CDC42BPA: variants seen among roughly 807,000 people sequenced by gnomAD.
CDC42BPA encodes serine/threonine-protein kinase MRCK alpha.
A neutral mutation model predicts 223.5 loss-of-function variants in CDC42BPA; 80 were observed. That is an observed-to-expected ratio of 0.36 (90% CI 0.30 to 0.43). CDC42BPA has a LOEUF of 0.43. Among genes scored for constraint, CDC42BPA ranks in the 20% least tolerant of loss-of-function variants. The pLI is 1.00. For synonymous variants in CDC42BPA, 694 were observed against 718.6 expected (o/e 0.97, Z 0.55); for missense variants, 1,743 against 2,099.9 (o/e 0.83, Z 3.32).
intron 1 of CDC42BPA, among the ~76,000 whole-genome samples, chr1:227,268,249 T>C (rs991778612): frequency 2.0e-5 from 3 of 152,178 alleles, no homozygotes; most frequent in Admixed American, 6.5e-5. Flanking sequence ...TTGTTTTCGT[T>C]TGCTTTCACG....
chr1:227,212,910 T>C (rs1674184310), intron 3 of CDC42BPA, among the ~76,000 whole-genome samples: 1 of 152,140 alleles, frequency 6.6e-6, no homozygotes, highest in Admixed American at 6.6e-5. Flanking sequence ...AAGCCCCCCA[T>C]TACAAGGGTT....
chr1:227,248,317 T>G (rs2148203049), intron 2 of CDC42BPA, among the ~76,000 whole-genome samples: 1 of 152,118 alleles, frequency 6.6e-6, no homozygotes, highest in East Asian at 1.9e-4. Flanking sequence ...CAAATTATCC[T>G]TGTTTGAAGA....
At position 227,005,079 on chromosome 1, in the gene CDC42BPA, G is replaced by A. The variant is rs368905292; in HGVS notation, c.4890C>T (p.Phe1630=). The A allele has an allele frequency of 4.3e-6, 7 of 1,613,956 alleles. No individual in the cohort carries two copies. Among genetic ancestry groups the A allele is most frequent in the East Asian group, 2.2e-5 (1 of 44,894 alleles). ...NPRPQESRTV[F]SGSVSIPSIT... is the part of the protein sequence containing the mutation. Reference sequence around the variant, plus strand: ...TAGATGGAATACTGACTGAGCCACTGAATACTGTCCGACTTTCCTGAGGCC... The same window carrying A: ...TAGATGGAATACTGACTGAGCCACTAAATACTGTCCGACTTTCCTGAGGCC... Residue 1630 remains phenylalanine (F), a synonymous_variant, in exon 35 of 37, where the codon TTC becomes TTT. Transcript: ENST00000366766.
intron 2 of CDC42BPA, among the ~76,000 whole-genome samples, chr1:227,243,373 T>TTA (rs2148136217): frequency 6.6e-6 from 1 of 150,782 alleles, no homozygotes; most frequent in Admixed American, 6.6e-5. Flanking sequence ...AAAAAATTAA[T>TTA]AAGTGGCACA....
At chr1:227,052,778 T>C (rs1673799110) in intron 21 of CDC42BPA, among the ~76,000 whole-genome samples, 1 of 152,200 alleles carries the variant, frequency 6.6e-6, no homozygotes, top group Admixed American at 6.5e-5. Flanking sequence ...AGTTTAAGAA[T>C]TTAAACATGA....
chr1:227,306,223 T>G (rs937259931), intron 1 of CDC42BPA, among the ~76,000 whole-genome samples: 2 of 148,414 alleles, frequency 1.3e-5, no homozygotes, highest in Admixed American at 1.4e-4. Context: ...GTACATGTAA[T>G]AAGGAAGTTG....
intron 10 of CDC42BPA, 129 bp downstream of exon 10, chr1:227,139,447 A>G: frequency 1.7e-6 from 1 of 582,460 alleles, no homozygotes; most frequent in Non-Finnish European, 2.9e-6. Flanking sequence ...TTCTGCATAC[A>G]TCTCTACAAC....
intron 21 of CDC42BPA, among the ~76,000 whole-genome samples, chr1:227,057,874 A>G (rs991929594): frequency 1.3e-5 from 2 of 152,198 alleles, no homozygotes. Flanking sequence ...AGGCCCCAGA[A>G]AGTCTGCAAG....
intron 10 of CDC42BPA, among the ~76,000 whole-genome samples, chr1:227,131,199 G>A (rs1173580666): frequency 6.6e-6 from 1 of 152,032 alleles, no homozygotes. Flanking sequence ...ATCCCCTACG[G>A]CAGATACTGC....
chr1:227,251,997 T>C (rs73096358), intron 2 of CDC42BPA, among the ~76,000 whole-genome samples: 22,788 of 151,990 alleles, frequency 0.15, 2,065 homozygotes, highest in African/African-American at 0.24. Context: ...GCAAAAAATA[T>C]ATACATATAT....
chr1:227,061,385 T>C (rs537342252), intron 21 of CDC42BPA, among the ~76,000 whole-genome samples: 3 of 152,200 alleles, frequency 2.0e-5, no homozygotes, highest in Admixed American at 6.5e-5. Context: ...ATTTTAATTC[T>C]CACAGAAACC....
chr1:227,180,365 T>C (rs2150031903), intron 5 of CDC42BPA: 1 of 152,268 alleles, frequency 6.6e-6, no homozygotes, highest in Non-Finnish European at 1.5e-5. Context: ...TGACAGGTGA[T>C]CTAAGAAAAG....
At chr1:227,313,175 T>G (rs1320621064) in intron 1 of CDC42BPA, among the ~76,000 whole-genome samples, 3 of 152,190 alleles carry the variant, frequency 2.0e-5, no homozygotes, top group African/African-American at 7.2e-5. Flanking sequence ...AGGGTGATGT[T>G]CCTAAAAACA....
chr1:227,176,553 G>A (rs1666992083), intron 5 of CDC42BPA, among the ~76,000 whole-genome samples: 1 of 152,056 alleles, frequency 6.6e-6, no homozygotes. Flanking sequence ...TCATGCCACA[G>A]CATATAGCCA....
chr1:227,309,316 A>C (rs1424258393), intron 1 of CDC42BPA, among the ~76,000 whole-genome samples: 1 of 152,228 alleles, frequency 6.6e-6, no homozygotes, highest in Non-Finnish European at 1.5e-5. Context: ...GGCCTCCCAA[A>C]AACTCTGAAC....
rs531698790 is a variant in CDC42BPA, at chr1:227,275,401, T to C, written c.179-21246A>G. On this transcript the variant is annotated intron_variant, in intron 1 of 36. Transcript: ENST00000366766. ...AAGCTAATCATAGAACTTTAAAAGA[T>C]GGAAAAGAGAAAAGTAAAAGAAAGA... Among the ~76,000 whole-genome samples the C allele has an allele frequency of 3.4e-5, 5 of 148,662 alleles. No individual in the cohort carries two copies. The South Asian group carries it at 8.7e-4, about 26-fold the overall frequency.
intron 1 of CDC42BPA, among the ~76,000 whole-genome samples, chr1:227,290,560 G>T (rs991640466): frequency 1.3e-5 from 2 of 152,006 alleles, no homozygotes; most frequent in Non-Finnish European, 2.9e-5. Context: ...AATGATCCTG[G>T]TATGACATAC....
At chr1:227,213,739 T>C (rs894667114) in intron 2 of CDC42BPA, among the ~76,000 whole-genome samples, 2 of 152,174 alleles carry the variant, frequency 1.3e-5, no homozygotes, top group East Asian at 3.9e-4. Flanking sequence ...TTACATACTA[T>C]ACCATAACCC....
chr1:227,120,884 T>C (rs1314170023), intron 11 of CDC42BPA, among the ~76,000 whole-genome samples: 1 of 152,298 alleles, frequency 6.6e-6, no homozygotes, highest in Admixed American at 6.5e-5. Flanking sequence ...GTCCGGGAGA[T>C]GGTTTCGGGA....
Sources: gnomAD v4.1 joint callset for allele counts (sites outside exome capture counted in the v4.1 genomes callset) on GRCh38, gnomAD v4.1.1 for gene constraint, MANE v1.5 for transcripts, NCBI Gene and HGNC (gene_info 2026-07-23, HGNC 2026-07-21) for gene names.